Variants in KCNJ6 observed in about 807,000 individuals in gnomAD.
KCNJ6 encodes the protein G protein-activated inward rectifier potassium channel 2.
KCNJ6 carries 9 observed loss-of-function variants against 34.2 expected under a neutral mutation model. The observed-to-expected ratio is 0.26, with a 90% confidence interval of 0.16 to 0.46. KCNJ6 has a LOEUF of 0.46. Ranked by LOEUF, KCNJ6 falls within the 20% of genes least tolerant of loss-of-function variation. KCNJ6 has a pLI of 1.00. For synonymous variants in KCNJ6, 196 were observed against 207.1 expected (o/e 0.95, Z 0.46); for missense variants, 236 against 531.3 (o/e 0.44, Z 5.46).
chr21:37,854,106 A>G (rs2055552545), intron 1 of KCNJ6, among the ~76,000 whole-genome samples: 1 of 151,810 alleles, frequency 6.6e-6, no homozygotes, highest in African/African-American at 2.4e-5. Flanking sequence ...TATATTAAAC[A>G]TAAATGGTCC....
intron 2 of KCNJ6, among the ~76,000 whole-genome samples, chr21:37,776,767 T>C (rs2055144584): frequency 6.6e-6 from 1 of 152,206 alleles, no homozygotes. Context: ...TTATTGAGGA[T>C]TTTTGTATCG....
chr21:37,755,689 G>T (rs1005960720), intron 2 of KCNJ6, among the ~76,000 whole-genome samples: 1 of 152,240 alleles, frequency 6.6e-6, no homozygotes, highest in Non-Finnish European at 1.5e-5. Flanking sequence ...GCATGGCTGA[G>T]TTGCCTTGAG....
chr21:37,895,508 C>T (rs1000315458), intron 1 of KCNJ6, among the ~76,000 whole-genome samples: 1 of 152,168 alleles, frequency 6.6e-6, no homozygotes, highest in Non-Finnish European at 1.5e-5. Flanking sequence ...TCTCCTTGAC[C>T]CATCCCCATT....
chr21:37,777,677 T>A (rs1243005609), intron 2 of KCNJ6, among the ~76,000 whole-genome samples: 1 of 152,144 alleles, frequency 6.6e-6, no homozygotes. Flanking sequence ...AAGAATAAAG[T>A]GGAGTTATTG....
At chr21:37,736,311 AT>A in intron 2 of KCNJ6, among the ~76,000 whole-genome samples, 1 of 152,190 alleles carries the variant, frequency 6.6e-6, no homozygotes, top group Non-Finnish European at 1.5e-5. Context: ...GGTAGGAGAC[AT>A]TTTTTTGGAA....
At chr21:37,895,408 G>A (rs2123639289) in intron 1 of KCNJ6, among the ~76,000 whole-genome samples, 1 of 152,186 alleles carries the variant, frequency 6.6e-6, no homozygotes, top group East Asian at 1.9e-4. Flanking sequence ...GGAGAAGTAT[G>A]ACCAGACTTT....
At chr21:37,814,896 C>CAAAAA (rs3061049) in intron 2 of KCNJ6, among the ~76,000 whole-genome samples, 7 of 69,164 alleles carry the variant, frequency 1.0e-4, no homozygotes, top group African/African-American at 3.6e-4. Context: ...GACTCTGTCT[C>CAAAAA]AAAAAAAAAA....
chr21:37,731,606 A>G (rs980489769), intron 2 of KCNJ6, among the ~76,000 whole-genome samples: 2 of 152,166 alleles, frequency 1.3e-5, no homozygotes, highest in Non-Finnish European at 2.9e-5. Context: ...CACAGCTGCA[A>G]TTGGGTTTGG....
At chr21:37,633,433 G>A (rs1304032501) in intron 3 of KCNJ6, among the ~76,000 whole-genome samples, 1 of 152,108 alleles carries the variant, frequency 6.6e-6, no homozygotes, top group African/African-American at 2.4e-5. Flanking sequence ...GTAAATGCTT[G>A]CTATCACCTT....
At chr21:37,628,371 A>C (rs530559937) in intron 3 of KCNJ6, among the ~76,000 whole-genome samples, 1 of 152,324 alleles carries the variant, frequency 6.6e-6, no homozygotes, top group Admixed American at 6.5e-5. Flanking sequence ...TCCCAACATA[A>C]ATTCTGAAGT....
chr21:37,909,275 T>A (rs2055855951), intron 1 of KCNJ6, among the ~76,000 whole-genome samples: 1 of 152,194 alleles, frequency 6.6e-6, no homozygotes. Flanking sequence ...CACAGGCTCA[T>A]CAAGAACTGA....
chr21:37,809,268 C>G (rs867945521), intron 2 of KCNJ6, among the ~76,000 whole-genome samples: 7 of 151,936 alleles, frequency 4.6e-5, no homozygotes, highest in Admixed American at 3.3e-4. Context: ...AGCAAACTAT[C>G]GCAAGGACAA....
intron 2 of KCNJ6, among the ~76,000 whole-genome samples, chr21:37,723,709 C>T (rs2054838638): frequency 6.6e-6 from 1 of 152,066 alleles, no homozygotes; most frequent in Non-Finnish European, 1.5e-5. Context: ...AGGAGCTAAA[C>T]ACTGAGGATT....
At chr21:37,828,853 A>C (rs2051172031) in intron 2 of KCNJ6, among the ~76,000 whole-genome samples, 1 of 151,968 alleles carries the variant, frequency 6.6e-6, no homozygotes, top group South Asian at 2.1e-4. Flanking sequence ...TCTACTCTGT[A>C]CCCTCCAGGC....
At chr21:37,659,675 C>G (rs2054479467) in intron 3 of KCNJ6, among the ~76,000 whole-genome samples, 1 of 152,196 alleles carries the variant, frequency 6.6e-6, no homozygotes, top group Non-Finnish European at 1.5e-5. Flanking sequence ...GCCTCAATTT[C>G]CCCATCTGAT....
At chr21:37,703,047 T>C (rs1247114674) in intron 3 of KCNJ6, among the ~76,000 whole-genome samples, 1 of 152,126 alleles carries the variant, frequency 6.6e-6, no homozygotes, top group Non-Finnish European at 1.5e-5. Context: ...CTAGAAGTCC[T>C]GAGAGAAAGA....
chr21:37,858,306 T>C (rs181216010), intron 1 of KCNJ6, among the ~76,000 whole-genome samples: 1,656 of 135,016 alleles, frequency 0.012, 26 homozygotes, highest in African/African-American at 0.043. Context: ...GGCAGGAGAA[T>C]GGCGTGAACC....
chr21:37,652,927 A>T (rs140494342), intron 3 of KCNJ6, among the ~76,000 whole-genome samples: 2 of 152,290 alleles, frequency 1.3e-5, no homozygotes, highest in Non-Finnish European at 2.9e-5. Context: ...AGAGGGAATG[A>T]GTGGAGAAAG....
intron 2 of KCNJ6, among the ~76,000 whole-genome samples, chr21:37,809,180 G>A (rs1026111772): frequency 6.6e-6 from 1 of 152,156 alleles, no homozygotes; most frequent in Non-Finnish European, 1.5e-5. Context: ...ATACCCCATG[G>A]AATACTATGC....
Sources: allele counts gnomAD v4.1 joint callset (sites outside exome capture counted in the v4.1 genomes callset), GRCh38; gene constraint gnomAD v4.1.1; transcripts MANE v1.5; gene names NCBI Gene and HGNC (gene_info 2026-07-23, HGNC 2026-07-21).